UQCRC1: variants seen among roughly 807,000 people sequenced by gnomAD.
UQCRC1 encodes cytochrome b-c1 complex subunit 1, mitochondrial.
A neutral mutation model predicts 58.0 loss-of-function variants in UQCRC1; 34 were observed. The ratio of observed to expected loss-of-function variants is 0.59; its 90% CI spans 0.45 to 0.78. UQCRC1 has a LOEUF of 0.78. Among genes scored for constraint, UQCRC1 ranks in the 30% least tolerant of loss-of-function variants. The pLI, the probability that UQCRC1 is intolerant of heterozygous loss-of-function variation, is 0.00. For synonymous variants in UQCRC1, 276 were observed against 248.8 expected (o/e 1.11, Z -1.03); for missense variants, 610 against 646.0 (o/e 0.94, Z 0.60).
At position 48,599,205 on chromosome 3, in the gene UQCRC1, G is replaced by A; in HGVS notation, c.1379-13C>T. 1 of 1,590,670 alleles carries A rather than the reference G, an allele frequency of 6.3e-7. No homozygotes were observed. The highest frequency in any genetic ancestry group is 8.6e-7 in the Non-Finnish European group (1 of 1,164,790). The stretch of plus-strand genomic sequence containing the variant: ...TGCTCAATGGGGCCTGTGGGGATAG[G>A]GTGGAGCGTCAGGGTGGGGTACCTG... On this transcript the variant is annotated splice_polypyrimidine_tract_variant and intron_variant, in intron 12 of 12. Transcript: ENST00000203407.
Position 48,601,098 on chromosome 3 carries a change from A to C in UQCRC1, c.843T>G (p.Ala281=). ...TGSEIRHRDD[A]LPFAHVAIAV... is the part of the protein sequence containing the mutation. ...CAATGGCCACGTGGGCAAAAGGTAGAGCATCATCACGGTGGCGGATCTGAA... is the reference window on the plus strand; with the variant it reads ...CAATGGCCACGTGGGCAAAAGGTAGCGCATCATCACGGTGGCGGATCTGAA... The change falls in exon 8 of 13, where the codon GCT becomes GCG. Residue 281 remains alanine (A), a synonymous_variant. Coordinates refer to ENST00000203407, the MANE Select transcript of UQCRC1 (RefSeq NM_003365.3). 1 of 1,603,616 alleles carries C rather than the reference A, an allele frequency of 6.2e-7. No individual in the cohort carries two copies. Among genetic ancestry groups the C allele is most frequent in the Non-Finnish European group, 8.5e-7 (1 of 1,171,766 alleles).
In UQCRC1 at chr3:48,599,010, A is replaced by C; in HGVS notation, c.*118T>G. On this transcript the variant is annotated 3_prime_UTR_variant, in exon 13 of 13. Transcript: ENST00000203407. ...AAAGAGGGATGACACACTTCTCAGCAGAGGATTTTATTGGTGGTCACCTGT... is the reference window on the plus strand; with the variant it reads ...AAAGAGGGATGACACACTTCTCAGCCGAGGATTTTATTGGTGGTCACCTGT... The C allele has an allele frequency of 8.3e-7, 1 of 1,202,074 alleles. No homozygotes were observed. Among genetic ancestry groups the C allele is most frequent in the Non-Finnish European group, 1.2e-6 (1 of 841,770 alleles). 74.5% of individuals were successfully genotyped at this position (1,202,074 alleles called of 1,614,324 possible).
rs1016721238 is a variant in UQCRC1, at chr3:48,601,138, G to A, written c.823-20C>T. The A allele has an allele frequency of 6.3e-7, 1 of 1,587,760 alleles. No homozygotes were observed. The highest frequency in any genetic ancestry group is 8.6e-7 in the Non-Finnish European group (1 of 1,161,864). ...GCGGATCTGAAACAGTACATGACAA[G>A]GCTGAGGAACAGCCAGACTGCCAGG... On this transcript the variant is annotated intron_variant, in intron 7 of 12. Transcript: ENST00000203407.
intron 3 of UQCRC1, 127 bp downstream of exon 3, chr3:48,605,643 A>T: frequency 1.1e-6 from 1 of 941,780 alleles, no homozygotes; most frequent in Non-Finnish European, 1.6e-6. Context: ...GGCTCCTTTT[A>T]GGAAAGCCAG....
chr3:48,601,185 G>GT, intron 7 of UQCRC1, 67 bp from the exon 8 acceptor site: 1 of 1,559,422 alleles, frequency 6.4e-7, no homozygotes, highest in Non-Finnish European at 8.7e-7. Flanking sequence ...GGTGGCAGGT[G>GT]TGGGTAGAGG....
chr3:48,608,597 G>C (rs1427224144), intron 2 of UQCRC1, among the ~76,000 whole-genome samples: 2 of 152,192 alleles, frequency 1.3e-5, no homozygotes, highest in African/African-American at 4.8e-5. Flanking sequence ...CTGGCCCTGG[G>C]GCTGGGGGCT....
chr3:48,609,436 T>A, intron 1 of UQCRC1, 116 bp downstream of exon 1: 1 of 1,511,916 alleles, frequency 6.6e-7, no homozygotes, highest in Non-Finnish European at 8.9e-7. Context: ...CGCCGTGACC[T>A]TCCCACGGCC....
chr3:48,600,294 C>G, intron 10 of UQCRC1, 143 bp from the exon 11 acceptor site: 2 of 1,098,862 alleles, frequency 1.8e-6, no homozygotes, highest in Non-Finnish European at 1.3e-6. Flanking sequence ...CTATGGTCAC[C>G]TATTATGGCA....
intron 5 of UQCRC1, 152 bp downstream of exon 5, chr3:48,604,081 C>T (rs2046389559): frequency 1.2e-6 from 1 of 813,218 alleles, no homozygotes; most frequent in African/African-American, 1.7e-5. Flanking sequence ...TTAAAAAAGA[C>T]TCACTGGACC....
At position 48,604,684 on chromosome 3, in the gene UQCRC1, A is replaced by G. The variant is rs775718077; in HGVS notation, c.394T>C (p.Tyr132His). ...AYSTREHTAY[Y>H]IKALSKDLPK... is the part of the protein sequence containing the mutation. ...AGATCCTTGGACAGCGCCTTGATGT[A>G]GTAAGCTGTGTGCTCCCGGGTGCTG... is the stretch of plus-strand genomic sequence containing the variant. Residue 132 changes from tyrosine (Y) to histidine (H), a missense_variant, in exon 4 of 13, where the codon TAC becomes CAC. Coordinates refer to ENST00000203407, the MANE Select transcript of UQCRC1 (RefSeq NM_003365.3). 2.5e-6 allele frequency: 4 copies of G among 1,614,170 alleles called. No individual in the cohort carries two copies. The Admixed American group carries it at 5.0e-5, about 20-fold the overall frequency.
chr3:48,604,525 C>T, intron 4 of UQCRC1, 94 bp from the exon 5 acceptor site: 2 of 1,580,814 alleles, frequency 1.3e-6, no homozygotes, highest in South Asian at 2.3e-5. Context: ...CTGCTGCCCA[C>T]CCCTAGTTGC....
chr3:48,608,099 G>A (rs746622555), intron 2 of UQCRC1, among the ~76,000 whole-genome samples: 1 of 152,198 alleles, frequency 6.6e-6, no homozygotes, highest in Non-Finnish European at 1.5e-5. Flanking sequence ...TGAGATTACA[G>A]GTGTGAGCCT....
At chr3:48,602,349 C>A (rs1489020200) in intron 6 of UQCRC1, among the ~76,000 whole-genome samples, 3 of 151,988 alleles carry the variant, frequency 2.0e-5, no homozygotes, top group Non-Finnish European at 4.4e-5. Context: ...CCGCGCCCGG[C>A]CTGCGTTGGC....
At chr3:48,599,795 C>T in intron 11 of UQCRC1, 85 bp from the exon 12 acceptor site, 5 of 1,401,434 alleles carry the variant, frequency 3.6e-6, no homozygotes, top group Non-Finnish European at 5.0e-6. Flanking sequence ...TAGCAGAGAT[C>T]TCCCACAGGC....
Position 48,604,421 on chromosome 3 carries a change from G to A in UQCRC1, c.438C>T (p.Leu146=). The change falls in exon 5 of 13, where the codon CTC becomes CTT. Residue 146 remains leucine (L), a synonymous_variant. Coordinates refer to ENST00000203407, the MANE Select transcript of UQCRC1 (RefSeq NM_003365.3). The part of the protein sequence containing the change: ...LSKDLPKAVE[L]LGDIVQNCSL... Reference sequence around the variant, plus strand: ...TACAGTTCTGCACAATGTCACCCAGGAGCTCCACAGCTAGATGCAAGGAGG... The same window carrying A: ...TACAGTTCTGCACAATGTCACCCAGAAGCTCCACAGCTAGATGCAAGGAGG... The A allele has an allele frequency of 1.2e-6, 2 of 1,613,900 alleles. No individual in the cohort carries two copies. Among genetic ancestry groups the A allele is most frequent in the Non-Finnish European group, 1.7e-6 (2 of 1,179,910 alleles).
intron 5 of UQCRC1, chr3:48,603,970 A>G (rs1020146681): frequency 3.4e-6 from 2 of 587,922 alleles, no homozygotes; most frequent in East Asian, 2.8e-5. Flanking sequence ...AAGAGACCAC[A>G]TGGAGGGGAC....
Position 48,609,629 on chromosome 3 carries a change from T to C in UQCRC1, c.-9A>G. ...ACCACGGACGCCGCCATCTTCCAGC[T>C]GCAGTCGGCCCTGTTGCGCCGCGCA... On this transcript the variant is annotated 5_prime_UTR_variant, in exon 1 of 13. Coordinates refer to ENST00000203407, the MANE Select transcript of UQCRC1 (RefSeq NM_003365.3). 1.3e-6 allele frequency: 2 copies of C among 1,562,316 alleles called. No individual in the cohort carries two copies. Among genetic ancestry groups the C allele is most frequent in the Non-Finnish European group, 1.7e-6 (2 of 1,157,434 alleles).
chr3:48,601,000 T>C lies in UQCRC1; in HGVS notation c.941A>G (p.Tyr314Cys), dbSNP rs780978963. The change falls in exon 8 of 13, where the codon TAT becomes TGT. Residue 314 changes from tyrosine (Y) to cysteine (C), a missense_variant. Transcript: ENST00000203407. ...CACGCCACCACCATAAGTGCAGTCA[T>C]AGTGGCCGATGATGGCATTGGCCAC... Reference protein sequence around the residue: ...LQVANAIIGHYDCTYGGGVHL... With the variant: ...LQVANAIIGHCDCTYGGGVHL... The C allele has an allele frequency of 5.0e-6, 8 of 1,607,060 alleles. No homozygotes were observed. Among genetic ancestry groups the C allele is most frequent in the Non-Finnish European group, 6.8e-6 (8 of 1,174,360 alleles).
At position 48,603,603 on chromosome 3, in the gene UQCRC1, G is replaced by C. The variant is rs1369305848; in HGVS notation, c.667C>G (p.His223Asp). The C allele has an allele frequency of 6.2e-7, 1 of 1,614,024 alleles. No homozygotes were observed. The highest frequency in any genetic ancestry group is 1.7e-5 in the Admixed American group (1 of 60,012). Reference protein sequence around the residue: ...RADLTEYLSTHYKAPRMVLAA... With the variant: ...RADLTEYLSTDYKAPRMVLAA... ...AGCACCATTCGAGGGGCCTTGTAAT[G>C]TGTGCTGAGGTACTCGGTCAAGTCT... Residue 223 changes from histidine (H) to aspartate (D), a missense_variant, in exon 6 of 13, where the codon CAT becomes GAT. Physicochemically the swap from His to Asp is moderately conservative, Grantham distance 81 (BLOSUM62 -1). Coordinates refer to ENST00000203407, the MANE Select transcript of UQCRC1 (RefSeq NM_003365.3).
Sources: allele counts gnomAD v4.1 joint callset (sites outside exome capture counted in the v4.1 genomes callset), GRCh38; gene constraint gnomAD v4.1.1; transcripts MANE v1.5; gene names NCBI Gene and HGNC (gene_info 2026-07-23, HGNC 2026-07-21).